Variants in ACP3 observed in about 807,000 individuals in gnomAD.
ACP3 encodes the protein acid phosphatase 3, also known as prostatic acid phosphatase.
ACP3 carries 38 observed loss-of-function variants against 45.6 expected under a neutral mutation model. The ratio of observed to expected loss-of-function variants is 0.83; its 90% CI spans 0.64 to 1.09. The LOEUF is 1.09. Ranked by LOEUF, ACP3 falls within the 50% of genes least tolerant of loss-of-function variation. ACP3 has a pLI of 0.00. For synonymous variants in ACP3, 162 were observed against 164.7 expected (o/e 0.98, Z 0.13); for missense variants, 466 against 463.2 (o/e 1.01, Z -0.05).
rs1804138 is a variant in ACP3, at chr3:132,357,099, G to A, written c.*221G>A. The A allele has an allele frequency of 0.059, 75,738 of 1,283,072 alleles. 2,691 individuals are homozygous for A. Among genetic ancestry groups the A allele is most frequent in the African/African-American group, 0.066 (4,394 of 66,488 alleles). The allele number at this position is 1,283,072 out of a possible 1,614,324, so 79.5% of individuals were successfully genotyped here. On this transcript the variant is annotated 3_prime_UTR_variant, in exon 10 of 10. Transcript: ENST00000336375. ...GCTAAGTTTTGTTTTGTTTTTCAGCGTTAATGTAAAGGGGCAGCAGTGCCA... is the reference window on the plus strand; with the variant it reads ...GCTAAGTTTTGTTTTGTTTTTCAGCATTAATGTAAAGGGGCAGCAGTGCCA...
intron 4 of ACP3, chr3:132,332,612 CAGAGAG>C: frequency 8.4e-6 from 3 of 357,430 alleles, no homozygotes; most frequent in Middle Eastern, 8.0e-4. Context: ...TCGTCATACA[CAGAGAG>C]AGAGAGAGAG....
chr3:132,364,180 C>CA (rs1938092232), intron 10 of ACP3, among the ~76,000 whole-genome samples: 1 of 151,828 alleles, frequency 6.6e-6, no homozygotes, highest in African/African-American at 2.4e-5. Flanking sequence ...TCTATCTCTA[C>CA]AAAAAATACA....
intron 6 of ACP3, among the ~76,000 whole-genome samples, chr3:132,343,272 C>T (rs1403625688): frequency 6.6e-6 from 1 of 152,140 alleles, no homozygotes; most frequent in African/African-American, 2.4e-5. Context: ...AAGATTCTGA[C>T]CACCCACCTA....
intron 8 of ACP3, among the ~76,000 whole-genome samples, chr3:132,351,162 G>A (rs1001357750): frequency 2.0e-4 from 30 of 152,186 alleles, no homozygotes; most frequent in Non-Finnish European, 4.1e-4. Flanking sequence ...CATCCCAGCA[G>A]AAAACTTCAG....
chr3:132,356,655 CA>C, intron 9 of ACP3, 30 bp from the exon 10 acceptor site: 3 of 1,612,620 alleles, frequency 1.9e-6, no homozygotes, highest in Non-Finnish European at 2.5e-6. Flanking sequence ...ACAGAACTAA[CA>C]GAGCTCTCTC....
intron 9 of ACP3, among the ~76,000 whole-genome samples, chr3:132,355,167 A>C (rs1937852294): frequency 1.3e-5 from 2 of 152,248 alleles, no homozygotes; most frequent in African/African-American, 2.4e-5. Flanking sequence ...GAAAGGGTGG[A>C]GGCAGCAACC....
At chr3:132,365,394 G>A (rs1035177289) in intron 10 of ACP3, among the ~76,000 whole-genome samples, 5 of 152,200 alleles carry the variant, frequency 3.3e-5, no homozygotes, top group African/African-American at 1.2e-4. Context: ...AGGGATGTGT[G>A]GGAGAGCATT....
chr3:132,317,463 G>A lies in ACP3; in HGVS notation c.7G>A (p.Ala3Thr). ...AGAAACAGCTCTCCTCAACATGAGAGCTGCACCCCTCCTCCTGGCCAGGGC... is the reference window on the plus strand; with the variant it reads ...AGAAACAGCTCTCCTCAACATGAGAACTGCACCCCTCCTCCTGGCCAGGGC... MR[A>T]APLLLARAAS... Residue 3 changes from alanine to threonine, a missense_variant, in exon 1 of 10, where the codon GCT (alanine) becomes ACT (threonine). Transcript: ENST00000336375. 6.2e-7 allele frequency: 1 copy of A among 1,612,848 alleles called. No individual in the cohort carries two copies. Among genetic ancestry groups the A allele is most frequent in the Non-Finnish European group, 8.5e-7 (1 of 1,179,528 alleles).
At position 132,356,827 on chromosome 3, in the gene ACP3, G is replaced by A. The variant is rs374360973; in HGVS notation, c.1110G>A (p.Thr370=). Residue 370 remains threonine (T), a synonymous_variant, in exon 10 of 10, where the codon ACG becomes ACA. Transcript: ENST00000336375. The part of the protein sequence containing the change: ...VGPVIPQDWS[T]ECMTTNSHQG... Reference sequence around the variant, plus strand: ...CTGTGATCCCTCAAGACTGGTCCACGGAGTGTATGACCACAAACAGCCATC... The same window carrying A: ...CTGTGATCCCTCAAGACTGGTCCACAGAGTGTATGACCACAAACAGCCATC... 1.1e-4 allele frequency: 179 copies of A among 1,614,018 alleles called. No individual in the cohort carries two copies. The highest frequency in any genetic ancestry group is 1.3e-4 in the Non-Finnish European group (155 of 1,180,040).
chr3:132,317,673 T>C, intron 1 of ACP3, 97 bp downstream of exon 1: 1 of 1,364,712 alleles, frequency 7.3e-7, no homozygotes, highest in Non-Finnish European at 9.7e-7. Flanking sequence ...TTGGATTGTT[T>C]CCCAGAGACC....
intron 1 of ACP3, among the ~76,000 whole-genome samples, chr3:132,324,769 A>C (rs545374282): frequency 6.6e-6 from 1 of 152,198 alleles, no homozygotes; most frequent in African/African-American, 2.4e-5. Flanking sequence ...CAGTCTCCCG[A>C]GTAGCTGGGA....
rs537521424 is a variant in ACP3 at position 132,358,033 on chromosome 3, C to CAGTA, written c.*1156_*1157insGTAA. 7.9e-6 allele frequency: 1 copy of CAGTA among 127,246 alleles called. No individual in the cohort carries two copies. The highest frequency in any genetic ancestry group is 8.1e-5 in the Admixed American group (1 of 12,402). The allele number at this position is 127,246 out of a possible 1,614,324, so 7.9% of individuals were successfully genotyped here. On this transcript the variant is annotated 3_prime_UTR_variant, in exon 10 of 10. Coordinates refer to ENST00000336375, the MANE Select transcript of ACP3 (RefSeq NM_001099.5). ...AGGGCAAGAGAGCGAGACCCTGTCT[C>CAGTA]AATAAATAAATAAATAAATAAATAA... is the stretch of plus-strand genomic sequence containing the variant.
At chr3:132,364,615 C>T (rs188581102) in intron 10 of ACP3, among the ~76,000 whole-genome samples, 1 of 152,296 alleles carries the variant, frequency 6.6e-6, no homozygotes, top group East Asian at 1.9e-4. Flanking sequence ...TCTTTTGCAC[C>T]TCCATTTTAG....
chr3:132,319,993 C>G (rs1356985064), intron 1 of ACP3, among the ~76,000 whole-genome samples: 1 of 152,122 alleles, frequency 6.6e-6, no homozygotes, highest in Non-Finnish European at 1.5e-5. Context: ...AACTGAAGTG[C>G]CTGTGACCCA....
chr3:132,331,980 T>C (rs1051059136), intron 3 of ACP3, among the ~76,000 whole-genome samples: 3 of 152,208 alleles, frequency 2.0e-5, no homozygotes, highest in Non-Finnish European at 4.4e-5. Context: ...TTGATCTCAT[T>C]TGTCAATTCA....
intron 10 of ACP3, among the ~76,000 whole-genome samples, chr3:132,366,886 G>A (rs1480220073): frequency 6.6e-6 from 1 of 152,102 alleles, no homozygotes; most frequent in South Asian, 2.1e-4. Context: ...TAATGATAAT[G>A]TCAGGTGAAA....
At chr3:132,355,475 T>C (rs1306774056) in intron 9 of ACP3, among the ~76,000 whole-genome samples, 1 of 150,862 alleles carries the variant, frequency 6.6e-6, no homozygotes, top group East Asian at 2.0e-4. Context: ...AGACATCTTA[T>C]TTTATTTTAT....
At chr3:132,367,859 C>T in exon 11 of ACP3, 1 of 1,416,414 alleles carries the variant, frequency 7.1e-7, no homozygotes, top group Non-Finnish European at 1.0e-6. Flanking sequence ...CCTCCTGTGA[C>T]ACAGCATCTC....
intron 7 of ACP3, among the ~76,000 whole-genome samples, chr3:132,345,560 T>G (rs573383054): frequency 5.3e-5 from 8 of 152,370 alleles, no homozygotes; most frequent in African/African-American, 1.2e-4. Context: ...ATAAAATATA[T>G]TTTTCAGGCT....
Sources: gnomAD v4.1 joint callset for allele counts (sites outside exome capture counted in the v4.1 genomes callset) on GRCh38, gnomAD v4.1.1 for gene constraint, MANE v1.5 for transcripts, NCBI Gene and HGNC (gene_info 2026-07-23, HGNC 2026-07-21) for gene names.